GRM7: variants seen among roughly 807,000 people sequenced by gnomAD.
GRM7 encodes the protein metabotropic glutamate receptor 7.
A neutral mutation model predicts 84.5 loss-of-function variants in GRM7; 35 were observed. The observed-to-expected ratio is 0.41, with a 90% CI of 0.32 to 0.55. The LOEUF is 0.55. Ranked by LOEUF, GRM7 falls within the 20% of genes least tolerant of loss-of-function variation. GRM7 has a pLI of 0.19. For missense variants in GRM7, 1,003 were observed against 1,194.6 expected, an observed-to-expected ratio of 0.84 and a Z score of 2.36; for synonymous variants, 487 against 455.1, an observed-to-expected ratio of 1.07 and a Z score of -0.89.
At chr3:7,055,427 C>T (rs939610436) in intron 1 of GRM7, among the ~76,000 whole-genome samples, 15 of 151,478 alleles carry the variant, frequency 9.9e-5, no homozygotes, top group African/African-American at 3.6e-4. Flanking sequence ...GATTTCCTCT[C>T]TTATGAAAAT....
chr3:7,667,346 C>T (rs1699745478), intron 8 of GRM7, among the ~76,000 whole-genome samples: 1 of 151,360 alleles, frequency 6.6e-6, no homozygotes. Flanking sequence ...CATTTTCAGG[C>T]ACTTCTGCAG....
At chr3:7,114,800 A>T (rs749034482) in intron 1 of GRM7, among the ~76,000 whole-genome samples, 8 of 152,094 alleles carry the variant, frequency 5.3e-5, no homozygotes, top group Non-Finnish European at 1.0e-4. Flanking sequence ...GTTTGGACCA[A>T]GTTTTTCCAG....
intron 8 of GRM7, among the ~76,000 whole-genome samples, chr3:7,627,336 T>C (rs1475554555): frequency 6.6e-6 from 1 of 152,200 alleles, no homozygotes; most frequent in Non-Finnish European, 1.5e-5. Context: ...AAATTAGCAC[T>C]CTATCTTTCT....
chr3:6,974,392 A>AG lies in GRM7; in HGVS notation c.519+112486dup, dbSNP rs1575086707. Among the ~76,000 whole-genome samples, 6 of 152,202 alleles carry AG rather than the reference A, an allele frequency of 3.9e-5. 1 individual carries two copies. The highest frequency in any genetic ancestry group is 3.9e-4 in the Admixed American group (6 of 15,282). On this transcript the variant is annotated intron_variant, in intron 1 of 9. Coordinates refer to ENST00000357716, the MANE Select transcript of GRM7 (RefSeq NM_000844.4). ...TGAGGACATCAATTTGGGAGCTGTC[A>AG]GCCTAGAAATAACATTTATTGCCAA...
intron 8 of GRM7, among the ~76,000 whole-genome samples, chr3:7,627,997 A>G (rs1697694690): frequency 6.6e-6 from 1 of 152,128 alleles, no homozygotes; most frequent in Admixed American, 6.5e-5. Context: ...GACAAGAGAG[A>G]CAAATCAGCC....
intron 1 of GRM7, among the ~76,000 whole-genome samples, chr3:6,901,436 A>G (rs1696377185): frequency 2.6e-5 from 4 of 151,780 alleles, no homozygotes; most frequent in Non-Finnish European, 4.4e-5. Flanking sequence ...CATCTCTACT[A>G]AAAGTACAAA....
intron 6 of GRM7, among the ~76,000 whole-genome samples, chr3:7,454,094 T>A (rs149478875): frequency 0.48 from 67,817 of 140,196 alleles, 17,556 homozygotes; most frequent in Non-Finnish European, 0.6. Flanking sequence ...ACACACACTC[T>A]CTCTCTCTCT....
At chr3:7,060,046 T>C (rs1697379819) in intron 1 of GRM7, among the ~76,000 whole-genome samples, 3 of 151,844 alleles carry the variant, frequency 2.0e-5, no homozygotes, top group Non-Finnish European at 4.4e-5. Flanking sequence ...TATCCTGTAA[T>C]GATTTGGGCT....
chr3:7,696,047 C>T, intron 9 of GRM7, among the ~76,000 whole-genome samples: 1 of 152,010 alleles, frequency 6.6e-6, no homozygotes, highest in East Asian at 1.9e-4. Flanking sequence ...TCCATTATCA[C>T]AAAAAATTAA....
chr3:7,156,636 A>G (rs1484187397), intron 2 of GRM7, among the ~76,000 whole-genome samples: 4 of 152,160 alleles, frequency 2.6e-5, no homozygotes, highest in Non-Finnish European at 4.4e-5. Flanking sequence ...GTGTACAAAA[A>G]ACAACTTCAG....
intron 2 of GRM7, among the ~76,000 whole-genome samples, chr3:7,222,828 A>G (rs1238006271): frequency 6.6e-6 from 1 of 152,184 alleles, no homozygotes; most frequent in Non-Finnish European, 1.5e-5. Context: ...GTTTGGAATA[A>G]TTGTGTCTTT....
chr3:7,056,136 T>A (rs1315662770), intron 1 of GRM7, among the ~76,000 whole-genome samples: 2 of 152,032 alleles, frequency 1.3e-5, no homozygotes, highest in African/African-American at 4.8e-5. Flanking sequence ...ACCAGCACAC[T>A]GACTGATGAA....
chr3:7,644,990 A>T (rs967815872), intron 8 of GRM7, among the ~76,000 whole-genome samples: 2 of 151,986 alleles, frequency 1.3e-5, no homozygotes, highest in Non-Finnish European at 2.9e-5. Flanking sequence ...GACCAGGAAC[A>T]TCTTTCTGCA....
chr3:7,457,087 G>A lies in GRM7; in HGVS notation c.1375+4280G>A, dbSNP rs76669647. ...TTGTGAAAAATTTAAACTTTATATC[G>A]CATGTTTTAGGAGGATATTGATTTT... On this transcript the variant is annotated intron_variant, in intron 6 of 9. Coordinates refer to ENST00000357716, the MANE Select transcript of GRM7 (RefSeq NM_000844.4). Among the ~76,000 whole-genome samples, 929 of 152,104 alleles carry A rather than the reference G, an allele frequency of 6.1e-3. 5 individuals are homozygous for A. The highest frequency in any genetic ancestry group is 9.3e-3 in the Non-Finnish European group (629 of 67,982).
At chr3:7,265,707 C>T (rs113639912) in intron 2 of GRM7, among the ~76,000 whole-genome samples, 1,921 of 152,246 alleles carry the variant, frequency 0.013, 43 homozygotes, top group African/African-American at 0.044. Flanking sequence ...ATGAGGGGAG[C>T]CTGTCCTCTT....
At chr3:7,706,240 T>G (rs1278502765) in intron 9 of GRM7, among the ~76,000 whole-genome samples, 1 of 152,210 alleles carries the variant, frequency 6.6e-6, no homozygotes, top group African/African-American at 2.4e-5. Flanking sequence ...TTTTGATCAC[T>G]TATCCATACT....
chr3:7,243,929 G>A (rs1575073973), intron 2 of GRM7, among the ~76,000 whole-genome samples: 2 of 152,118 alleles, frequency 1.3e-5, no homozygotes, highest in East Asian at 3.9e-4. Context: ...ACATGGGAAA[G>A]GTACAGTGAA....
chr3:7,650,206 T>TATAAGCCCATGAGCTACAGAGTG (rs1698864602), intron 8 of GRM7, among the ~76,000 whole-genome samples: 1 of 140,830 alleles, frequency 7.1e-6, no homozygotes, highest in African/African-American at 2.4e-5. Flanking sequence ...GCTTGCTTGC[T>TATAAGCCCATGAGCTACAGAGTG]ATAAGCCCAT....
chr3:7,299,370 A>G (rs1325821998), intron 3 of GRM7, among the ~76,000 whole-genome samples: 2 of 152,168 alleles, frequency 1.3e-5, no homozygotes, highest in Non-Finnish European at 1.5e-5. Context: ...AAGCTTTGAC[A>G]TGTTTCCACA....
Sources: allele counts gnomAD v4.1 joint callset (sites outside exome capture counted in the v4.1 genomes callset), GRCh38; gene constraint gnomAD v4.1.1; transcripts MANE v1.5; gene names NCBI Gene and HGNC (gene_info 2026-07-23, HGNC 2026-07-21).